Variants in PTPRK observed in about 807,000 individuals in gnomAD.
The protein encoded by PTPRK is protein tyrosine phosphatase receptor type K.
PTPRK carries 75 observed loss-of-function variants against 178.0 expected under a neutral mutation model. The observed-to-expected ratio is 0.42, with a 90% CI of 0.35 to 0.51. The LOEUF (loss-of-function observed/expected upper bound fraction) is 0.51. Among genes scored for constraint, PTPRK ranks in the 20% least tolerant of loss-of-function variants. The probability of loss-of-function intolerance (pLI) is 0.02; values close to 1 mark genes in which losing one functional copy is unlikely to be tolerated. For missense variants in PTPRK, 1,441 were observed against 1,797.8 expected (o/e 0.80, Z 3.59); for synonymous variants, 637 against 620.6 (o/e 1.03, Z -0.39).
At chr6:128,060,983 G>A (rs1294469419) in intron 13 of PTPRK, among the ~76,000 whole-genome samples, 1 of 152,016 alleles carries the variant, frequency 6.6e-6, no homozygotes, top group Non-Finnish European at 1.5e-5. Context: ...CTTACGTTTT[G>A]TTCAAATTCA....
intron 25 of PTPRK, 105 bp downstream of exon 25, chr6:127,981,010 CT>C: frequency 8.7e-7 from 1 of 1,146,612 alleles, no homozygotes; most frequent in Non-Finnish European, 1.2e-6. Flanking sequence ...TCCACTTTTC[CT>C]TTTTAGGTTA....
chr6:128,281,148 GATCC>G (rs1459230327), intron 3 of PTPRK, among the ~76,000 whole-genome samples: 1 of 152,122 alleles, frequency 6.6e-6, no homozygotes, highest in African/African-American at 2.4e-5. Flanking sequence ...CCTGTAACAT[GATCC>G]ACTCTGCTGA....
intron 7 of PTPRK, among the ~76,000 whole-genome samples, chr6:128,168,698 G>A (rs567896654): frequency 9.2e-5 from 14 of 152,122 alleles, no homozygotes; most frequent in African/African-American, 2.2e-4. Context: ...AGGTAGCAGC[G>A]TTGCACCCTG....
rs572387917 is a variant in PTPRK, at chr6:128,011,441, C to T, written c.2195-2173G>A. Among the ~76,000 whole-genome samples, 9 of 151,146 alleles carry T rather than the reference C, an allele frequency of 6.0e-5. No homozygotes were observed. The South Asian group carries it at 1.7e-3, about 28-fold the overall frequency. ...CATAACAGTTTAATTAAATAAAATA[C>T]ATGCTATTATGGTATAATTTTCTAA... On this transcript the variant is annotated intron_variant, in intron 13 of 29. Transcript: ENST00000368226.
chr6:128,328,043 G>T (rs969474558), intron 2 of PTPRK, among the ~76,000 whole-genome samples: 2 of 152,316 alleles, frequency 1.3e-5, no homozygotes, highest in East Asian at 1.9e-4. Flanking sequence ...GGCCAGGTTT[G>T]TTGCTACAAG....
At chr6:128,005,816 A>G (rs1778350393) in intron 14 of PTPRK, among the ~76,000 whole-genome samples, 1 of 64,372 alleles carries the variant, frequency 1.6e-5, no homozygotes, top group South Asian at 5.1e-4. Flanking sequence ...AATTATAACT[A>G]AATTAAAAGT....
At chr6:128,376,093 G>A (rs1254794521) in intron 2 of PTPRK, among the ~76,000 whole-genome samples, 1 of 152,142 alleles carries the variant, frequency 6.6e-6, no homozygotes, top group Non-Finnish European at 1.5e-5. Context: ...CTATTCTGGT[G>A]TCTGAAGGAC....
At chr6:128,499,266 AC>A (rs1198383011) in intron 1 of PTPRK, among the ~76,000 whole-genome samples, 1 of 152,256 alleles carries the variant, frequency 6.6e-6, no homozygotes, top group Non-Finnish European at 1.5e-5. Flanking sequence ...AAAACACTGA[AC>A]TGTAAATCTT....
chr6:128,006,162 A>G (rs1778390692), intron 14 of PTPRK: 1 of 735,340 alleles, frequency 1.4e-6, no homozygotes, highest in East Asian at 3.2e-5. Flanking sequence ...AAAATAAAAT[A>G]AAATAAAATA....
At chr6:128,316,637 A>G (rs1828025865) in intron 3 of PTPRK, among the ~76,000 whole-genome samples, 1 of 152,158 alleles carries the variant, frequency 6.6e-6, no homozygotes, top group Non-Finnish European at 1.5e-5. Flanking sequence ...AAAGTAGAGC[A>G]GACATTTTGT....
chr6:128,423,489 TGTATAATA>T (rs1435596894), intron 1 of PTPRK, among the ~76,000 whole-genome samples: 2 of 152,158 alleles, frequency 1.3e-5, no homozygotes, highest in Non-Finnish European at 2.9e-5. Context: ...AAGAACATAA[TGTATAATA>T]GTAAAGACTT....
chr6:128,215,885 G>A (rs572685459), intron 6 of PTPRK, among the ~76,000 whole-genome samples: 3 of 152,000 alleles, frequency 2.0e-5, no homozygotes, highest in Non-Finnish European at 4.4e-5. Flanking sequence ...AAGTGCCAAT[G>A]AGAGATAGGA....
At chr6:128,218,384 A>G (rs142103347) in intron 6 of PTPRK, among the ~76,000 whole-genome samples, 32 of 152,368 alleles carry the variant, frequency 2.1e-4, no homozygotes, top group African/African-American at 7.5e-4. Context: ...AATCCCTGAC[A>G]TTCTTCTAGT....
Position 128,133,830 on chromosome 6 carries a change from G to A in PTPRK, c.1163-43838C>T, listed in dbSNP as rs1009054746. Among the ~76,000 whole-genome samples the A allele has an allele frequency of 5.9e-5, 9 of 151,892 alleles. No individual in the cohort carries two copies. The South Asian group carries it at 1.7e-3, about 28-fold the overall frequency. ...GCCTTCCAACGTGCTAGGATTACAG[G>A]CATCAGCCACTACACCTAGCCTAAA... On this transcript the variant is annotated intron_variant, in intron 7 of 29. Coordinates refer to ENST00000368226, the MANE Select transcript of PTPRK (RefSeq NM_002844.4).
chr6:128,005,967 A>T, intron 14 of PTPRK: 1 of 1,304,502 alleles, frequency 7.7e-7, no homozygotes, highest in Non-Finnish European at 1.0e-6. Flanking sequence ...TTTGTTTTTG[A>T]AAAGGGATAC....
intron 10 of PTPRK, among the ~76,000 whole-genome samples, chr6:128,079,722 T>C (rs960994330): frequency 6.6e-6 from 1 of 152,030 alleles, no homozygotes; most frequent in East Asian, 1.9e-4. Flanking sequence ...ATGCTATGAA[T>C]ATAAAGACAA....
At chr6:128,362,348 A>G (rs1009854860) in intron 2 of PTPRK, among the ~76,000 whole-genome samples, 1 of 147,290 alleles carries the variant, frequency 6.8e-6, no homozygotes, top group Admixed American at 7.1e-5. Flanking sequence ...TCCATGAACA[A>G]TCACCTCCCA....
At chr6:128,161,539 C>A (rs766613616) in intron 7 of PTPRK, among the ~76,000 whole-genome samples, 2 of 151,594 alleles carry the variant, frequency 1.3e-5, no homozygotes, top group Non-Finnish European at 3.0e-5. Context: ...AACAACCATT[C>A]AAACTTGTTT....
intron 7 of PTPRK, among the ~76,000 whole-genome samples, chr6:128,098,784 T>G (rs1354808803): frequency 6.6e-6 from 1 of 152,198 alleles, no homozygotes; most frequent in Non-Finnish European, 1.5e-5. Flanking sequence ...TGAACTTAAA[T>G]AGCATCCTGT....
Sources: allele counts gnomAD v4.1 joint callset (sites outside exome capture counted in the v4.1 genomes callset), GRCh38; gene constraint gnomAD v4.1.1; transcripts MANE v1.5; gene names NCBI Gene and HGNC (gene_info 2026-07-23, HGNC 2026-07-21).